Variants in CD1B observed in about 807,000 individuals in gnomAD.
CD1B encodes CD1b molecule.
CD1B carries 43 observed loss-of-function variants against 39.8 expected under a neutral mutation model. The observed-to-expected ratio is 1.08, with a 90% CI of 0.85 to 1.39. The LOEUF (loss-of-function observed/expected upper bound fraction) is 1.39, where lower values mean the gene tolerates loss of function less well. Ranked by LOEUF, CD1B falls within the 40% of genes most tolerant of loss-of-function variation. The probability of loss-of-function intolerance (pLI) is 0.00; values close to 1 mark genes in which losing one functional copy is unlikely to be tolerated. For synonymous variants in CD1B, 192 were observed against 152.5 expected (o/e 1.26, Z -1.91); for missense variants, 495 against 403.8 (o/e 1.23, Z -1.94).
chr1:158,315,033 C>T, the CD1B span, among the ~76,000 whole-genome samples: 2 of 148,336 alleles, frequency 1.3e-5, no homozygotes, highest in Admixed American at 1.3e-4. Flanking sequence ...ATATATGCCA[C>T]ATTTTCTTAA....
At chr1:158,324,181 A>G (rs1206467980), downstream of CD1B, among the ~76,000 whole-genome samples, 1 of 152,196 alleles carries the variant, frequency 6.6e-6, no homozygotes, top group African/African-American at 2.4e-5. Context: ...AAGACTCAAG[A>G]CAAAATTGGA....
chr1:158,328,980 TG>T lies in CD1B; in HGVS notation c.920del (p.Ala307GlufsTer2). 6.2e-7 allele frequency: 1 copy of T among 1,613,918 alleles called. No individual in the cohort carries two copies. Among genetic ancestry groups the T allele is most frequent in the Non-Finnish European group, 8.5e-7 (1 of 1,179,942 alleles). ...AAAGGAGCAAGGAAGGCACTATTAT[TG>T]CCAAAACAATTGAGCCAATGGAGGT... is the stretch of plus-strand genomic sequence containing the variant. ...NPTSIGSIVL[A>X]IIVPSLLLLL... is the part of the protein sequence containing the mutation. On this transcript the variant is annotated frameshift_variant, in exon 5 of 6. Transcript: ENST00000368168. LOFTEE classifies it high-confidence loss of function.
chr1:158,306,952 G>A, the CD1B span, among the ~76,000 whole-genome samples: 2 of 152,198 alleles, frequency 1.3e-5, no homozygotes, highest in Admixed American at 1.3e-4. Flanking sequence ...GAAATTTATA[G>A]CACTAAATGC....
At chr1:158,322,230 A>T in the CD1B span, among the ~76,000 whole-genome samples, 1 of 152,066 alleles carries the variant, frequency 6.6e-6, no homozygotes, top group African/African-American at 2.4e-5. Flanking sequence ...ATTTATCTGT[A>T]TTCCTACATT....
the CD1B span, chr1:158,291,362 G>A: frequency 1.0e-4 from 163 of 1,613,992 alleles, no homozygotes; most frequent in African/African-American, 1.7e-3. Flanking sequence ...GGATTAACTC[G>A]GGAGATTCAA....
chr1:158,307,717 A>G, the CD1B span, among the ~76,000 whole-genome samples: 1 of 152,226 alleles, frequency 6.6e-6, no homozygotes, highest in Non-Finnish European at 1.5e-5. Context: ...TCAGCAGCAT[A>G]TCAAAAACCT....
At chr1:158,292,101 G>A in the CD1B span, 2 of 1,613,970 alleles carry the variant, frequency 1.2e-6, no homozygotes, top group Non-Finnish European at 8.5e-7. Flanking sequence ...TGAAGTACAG[G>A]TGAAAGCGGG....
downstream of CD1B, among the ~76,000 whole-genome samples, chr1:158,326,495 C>G (rs572483378): frequency 6.6e-6 from 1 of 151,942 alleles, no homozygotes; most frequent in South Asian, 2.1e-4. Flanking sequence ...TATTTTTATT[C>G]CAATTTAATG....
chr1:158,292,850 G>A, the CD1B span: 1 of 1,614,142 alleles, frequency 6.2e-7, no homozygotes, highest in Non-Finnish European at 8.5e-7. Flanking sequence ...CAGTCTAGGA[G>A]GCCAGGACAT....
At chr1:158,323,016 T>G (rs1652241715), downstream of CD1B, among the ~76,000 whole-genome samples, 1 of 152,192 alleles carries the variant, frequency 6.6e-6, no homozygotes, top group South Asian at 2.1e-4. Context: ...CTTCCTTTAC[T>G]TGAGCATTTA....
the CD1B span, among the ~76,000 whole-genome samples, chr1:158,308,320 T>G: frequency 2.6e-5 from 4 of 151,932 alleles, no homozygotes; most frequent in Non-Finnish European, 5.9e-5. Flanking sequence ...CACTGCTCAG[T>G]GAAATAAAAG....
At position 158,328,999 on chromosome 1, in the gene CD1B, A is replaced by G. The variant is rs750882652; in HGVS notation, c.902T>C (p.Ile301Thr). ...TATTATTGCCAAAACAATTGAGCCAATGGAGGTGGGGTTTCCTGGCAATTG... is the reference window on the plus strand; with the variant it reads ...TATTATTGCCAAAACAATTGAGCCAGTGGAGGTGGGGTTTCCTGGCAATTG... ...IILYWRNPTS[I>T]GSIVLAIIVP... Residue 301 changes from isoleucine to threonine, a missense_variant, in exon 5 of 6, where the codon ATT becomes ACT. Transcript: ENST00000368168. 3.7e-6 allele frequency: 6 copies of G among 1,613,938 alleles called. No homozygotes were observed. In the Admixed American group the frequency reaches 8.3e-5, roughly 22 times the overall value.
chr1:158,289,407 C>G, the CD1B span, among the ~76,000 whole-genome samples: 4 of 152,186 alleles, frequency 2.6e-5, no homozygotes, highest in African/African-American at 9.6e-5. Flanking sequence ...AATTTAATCT[C>G]TAAGGATAAT....
chr1:158,325,465 C>T (rs150255481), downstream of CD1B, among the ~76,000 whole-genome samples: 1 of 152,222 alleles, frequency 6.6e-6, no homozygotes, highest in African/African-American at 2.4e-5. Context: ...ATAGATGCAG[C>T]TGTAAAGCCA....
the CD1B span, among the ~76,000 whole-genome samples, chr1:158,295,942 T>C: frequency 4.1e-4 from 63 of 152,248 alleles, no homozygotes; most frequent in Non-Finnish European, 7.9e-4. Flanking sequence ...CACATATGCA[T>C]GGAGACCTCA....
At chr1:158,318,164 A>G in the CD1B span, among the ~76,000 whole-genome samples, 1 of 152,190 alleles carries the variant, frequency 6.6e-6, no homozygotes, top group African/African-American at 2.4e-5. Context: ...AGAGTTCTGT[A>G]GATGTCTATT....
At chr1:158,311,972 TTTTGGGGTC>T in the CD1B span, among the ~76,000 whole-genome samples, 1 of 152,188 alleles carries the variant, frequency 6.6e-6, no homozygotes, top group Non-Finnish European at 1.5e-5. Context: ...TTACTTTGGC[TTTTGGGGTC>T]TTTGATGGTT....
the CD1B span, among the ~76,000 whole-genome samples, chr1:158,320,417 T>G: frequency 6.6e-6 from 1 of 152,092 alleles, no homozygotes; most frequent in Non-Finnish European, 1.5e-5. Context: ...AGTGACCCGA[T>G]TTTCCAGGTG....
chr1:158,291,086 C>T, the CD1B span: 1 of 1,527,342 alleles, frequency 6.5e-7, no homozygotes, highest in Non-Finnish European at 8.9e-7. Context: ...TTCCTTGCCT[C>T]TCTTTTTTTT....
Sources: allele counts gnomAD v4.1 joint callset (sites outside exome capture counted in the v4.1 genomes callset), GRCh38; gene constraint gnomAD v4.1.1; transcripts MANE v1.5; gene names NCBI Gene and HGNC (gene_info 2026-07-23, HGNC 2026-07-21).